Variants in GTF2IRD2B observed in about 807,000 individuals in gnomAD.
GTF2IRD2B encodes GTF2I repeat domain containing 2B.
GTF2IRD2B carries 10 observed loss-of-function variants against 55.6 expected under a neutral mutation model. The observed-to-expected ratio is 0.18, with a 90% CI of 0.11 to 0.31. The LOEUF is 0.31. Among genes scored for constraint, GTF2IRD2B ranks in the 10% least tolerant of loss-of-function variants. The probability of loss-of-function intolerance (pLI) is 1.00; values close to 1 mark genes in which losing one functional copy is unlikely to be tolerated. For synonymous variants in GTF2IRD2B, 107 were observed against 320.5 expected, an observed-to-expected ratio of 0.33 and a Z score of 7.12; for missense variants, 206 against 802.7, an observed-to-expected ratio of 0.26 and a Z score of 8.98.
In GTF2IRD2B at chr7:75,099,789, A is replaced by G. The variant is rs1399802557; in HGVS notation, c.-6+7024A>G. ...ATAAATAAATAAATAAATAAAACAT[A>G]ATCCTCATCTAGTCTAGTTTACATC... is the stretch of plus-strand genomic sequence containing the variant. On this transcript the variant is annotated intron_variant, in intron 1 of 15. Coordinates refer to ENST00000472837, the MANE Select transcript of GTF2IRD2B (RefSeq NM_001003795.3). Among the ~76,000 whole-genome samples the G allele has an allele frequency of 3.0e-5, 4 of 132,210 alleles. No homozygotes were observed. In the South Asian group the frequency reaches 9.7e-4, roughly 32 times the overall value. 86.7% of individuals were successfully genotyped at this position (132,210 alleles called of 152,430 possible). A position where few individuals can be genotyped will look rare whatever the true frequency, so the allele number is the denominator to read the frequency against.
intron 1 of GTF2IRD2B, among the ~76,000 whole-genome samples, chr7:75,107,242 A>G (rs1807834740): frequency 6.6e-6 from 1 of 152,020 alleles, no homozygotes; most frequent in Non-Finnish European, 1.5e-5. Flanking sequence ...GGTTTAGTGG[A>G]AAATATATTC....
chr7:75,145,958 A>AGGTG (rs1252314346), intron 15 of GTF2IRD2B, among the ~76,000 whole-genome samples: 4 of 91,658 alleles, frequency 4.4e-5, no homozygotes, highest in Non-Finnish European at 8.4e-5. Context: ...TCCTGCCCTC[A>AGGTG]GGTGATTCTC....
chr7:75,101,854 ACTGCACTCCAGC>A (rs1807572381), intron 1 of GTF2IRD2B, among the ~76,000 whole-genome samples: 1 of 134,958 alleles, frequency 7.4e-6, no homozygotes, highest in African/African-American at 2.7e-5. Flanking sequence ...TGATTGTGCC[ACTGCACTCCAGC>A]CTGGGAGACA....
At chr7:75,117,793 T>C (rs1808217002) in intron 3 of GTF2IRD2B, among the ~76,000 whole-genome samples, 2 of 152,362 alleles carry the variant, frequency 1.3e-5, no homozygotes, top group African/African-American at 4.8e-5. Flanking sequence ...TTTAAAAATA[T>C]ATATATCAGC....
intron 4 of GTF2IRD2B, among the ~76,000 whole-genome samples, chr7:75,122,883 A>G (rs1281179928): frequency 6.7e-6 from 1 of 150,338 alleles, no homozygotes; most frequent in African/African-American, 2.4e-5. Context: ...CCTCATCTCT[A>G]CTAAAATACA....
At chr7:75,113,745 G>A (rs1808041174) in intron 3 of GTF2IRD2B, among the ~76,000 whole-genome samples, 1 of 147,640 alleles carries the variant, frequency 6.8e-6, no homozygotes, top group Admixed American at 6.9e-5. Context: ...AACCATGAAA[G>A]GATAAAAATC....
chr7:75,105,490 T>C (rs1807763736), intron 1 of GTF2IRD2B, among the ~76,000 whole-genome samples: 2 of 152,292 alleles, frequency 1.3e-5, no homozygotes, highest in Non-Finnish European at 2.9e-5. Flanking sequence ...GGTGACAGAG[T>C]GATATTCCAC....
intron 1 of GTF2IRD2B, among the ~76,000 whole-genome samples, chr7:75,099,442 G>A (rs1554422277): frequency 5.3e-5 from 1 of 18,778 alleles, no homozygotes; most frequent in Admixed American, 4.5e-4. Flanking sequence ...TCTCAAAAAA[G>A]AAAAAAAAAA....
intron 4 of GTF2IRD2B, 57 bp from the exon 5 acceptor site, chr7:75,123,079 A>G: frequency 6.4e-7 from 1 of 1,566,884 alleles, no homozygotes; most frequent in African/African-American, 1.4e-5. Flanking sequence ...AACAAAAAAA[A>G]AAAACTGGTA....
chr7:75,122,842 G>A (rs7776551), intron 4 of GTF2IRD2B, among the ~76,000 whole-genome samples: 65,630 of 149,770 alleles, frequency 0.44, 17,919 homozygotes, highest in East Asian at 0.88. Flanking sequence ...GAGCTCAGCC[G>A]TTCGAGACCA....
chr7:75,103,679 C>T (rs1158886364), intron 1 of GTF2IRD2B, among the ~76,000 whole-genome samples: 2 of 151,504 alleles, frequency 1.3e-5, no homozygotes, highest in South Asian at 2.1e-4. Context: ...CCGTGGGTCG[C>T]CGTCCCCAGG....
chr7:75,105,620 C>T (rs1395381492), intron 1 of GTF2IRD2B, among the ~76,000 whole-genome samples: 4 of 152,304 alleles, frequency 2.6e-5, no homozygotes, highest in Non-Finnish European at 4.4e-5. Context: ...TAACAATTTG[C>T]ATCCTACTGG....
chr7:75,119,378 G>T, intron 3 of GTF2IRD2B, among the ~76,000 whole-genome samples: 1 of 117,726 alleles, frequency 8.5e-6, no homozygotes, highest in East Asian at 2.6e-4. Context: ...GTGAGGCTAG[G>T]TGCAGTGGCT....
At chr7:75,119,191 CAAAAA>C (rs71229657) in intron 3 of GTF2IRD2B, among the ~76,000 whole-genome samples, 64 of 5,064 alleles carry the variant, frequency 0.013, no homozygotes, top group South Asian at 0.031. Flanking sequence ...AAGACTCTCT[CAAAAA>C]AAAAAAAAAA....
chr7:75,092,969 G>A (rs1337742495), intron 1 of GTF2IRD2B, among the ~76,000 whole-genome samples: 8 of 152,192 alleles, frequency 5.3e-5, no homozygotes, highest in Admixed American at 2.0e-4. Flanking sequence ...TGTGAGGGTG[G>A]GGGCGGGGAA....
intron 6 of GTF2IRD2B, 197 bp downstream of exon 6, chr7:75,123,713 A>C (rs1808458199): frequency 4.5e-6 from 3 of 661,312 alleles, no homozygotes; most frequent in Non-Finnish European, 8.0e-6. Context: ...GTCTGTACTA[A>C]AAATACGAAA....
Position 75,103,303 on chromosome 7 carries a change from A to G in GTF2IRD2B, c.-5-5657A>G, listed in dbSNP as rs587690519. On this transcript the variant is annotated intron_variant, in intron 1 of 15. Coordinates refer to ENST00000472837, the MANE Select transcript of GTF2IRD2B (RefSeq NM_001003795.3). Reference sequence around the variant, plus strand: ...CAAAAAATACATATAAAAATAAATAAATAAGCAGTTGATTTAGTATCTTCT... The same window carrying G: ...CAAAAAATACATATAAAAATAAATAGATAAGCAGTTGATTTAGTATCTTCT... 4.0e-5 allele frequency among the ~76,000 whole-genome samples: 6 copies of G among 151,572 alleles called. No homozygotes were observed. The South Asian group carries it at 1.2e-3, about 31-fold the overall frequency.
chr7:75,104,763 A>G (rs1253450435), intron 1 of GTF2IRD2B, among the ~76,000 whole-genome samples: 1 of 152,296 alleles, frequency 6.6e-6, no homozygotes, highest in Non-Finnish European at 1.5e-5. Flanking sequence ...AATGCTCAAG[A>G]AAAGACTTTC....
chr7:75,123,044 T>G, intron 4 of GTF2IRD2B, 92 bp from the exon 5 acceptor site: 1 of 1,570,046 alleles, frequency 6.4e-7, no homozygotes, highest in Non-Finnish European at 8.6e-7. Context: ...AGCGAGACTC[T>G]GTTTCTACAA....
Sources: allele counts gnomAD v4.1 joint callset (sites outside exome capture counted in the v4.1 genomes callset), GRCh38; gene constraint gnomAD v4.1.1; transcripts MANE v1.5; gene names NCBI Gene and HGNC (gene_info 2026-07-23, HGNC 2026-07-21).